NPAS3: variants seen among roughly 807,000 people sequenced by gnomAD.
The protein encoded by NPAS3 is neuronal PAS domain-containing protein 3.
Under a neutral mutation model 73.1 loss-of-function variants are expected in NPAS3, and 14 were observed. The ratio of observed to expected loss-of-function variants is 0.19; its 90% confidence interval spans 0.13 to 0.30. NPAS3 has a LOEUF of 0.30. NPAS3 is among the 10% of genes least tolerant of loss of function. The pLI, the probability that NPAS3 is intolerant of heterozygous loss-of-function variation, is 1.00. For missense variants in NPAS3, 1,096 were observed against 1,250.0 expected (o/e 0.88, Z 1.86); for synonymous variants, 620 against 541.5 (o/e 1.14, Z -2.01).
intron 3 of NPAS3, among the ~76,000 whole-genome samples, chr14:33,264,927 T>A (rs952129144): frequency 6.6e-6 from 1 of 152,146 alleles, no homozygotes; most frequent in Non-Finnish European, 1.5e-5. Flanking sequence ...CTTCCTGAGT[T>A]CCCAGAGTTT....
At chr14:33,412,889 T>C (rs1429522679) in intron 4 of NPAS3, among the ~76,000 whole-genome samples, 1 of 152,216 alleles carries the variant, frequency 6.6e-6, no homozygotes, top group African/African-American at 2.4e-5. Flanking sequence ...GAATCTGTGC[T>C]AGGAACTAGG....
intron 1 of NPAS3, among the ~76,000 whole-genome samples, chr14:32,940,752 G>A (rs556730766): frequency 3.9e-5 from 6 of 152,292 alleles, no homozygotes; most frequent in African/African-American, 1.4e-4. Context: ...ACGATAAGGG[G>A]ATATTCAGAC....
intron 4 of NPAS3, among the ~76,000 whole-genome samples, chr14:33,504,929 A>C (rs1471359004): frequency 6.6e-6 from 1 of 152,036 alleles, no homozygotes; most frequent in Non-Finnish European, 1.5e-5. Flanking sequence ...AGGCAAAAGA[A>C]ATGGGGAGAG....
chr14:33,232,235 T>C (rs937039505), intron 3 of NPAS3, among the ~76,000 whole-genome samples: 2 of 152,186 alleles, frequency 1.3e-5, no homozygotes, highest in African/African-American at 4.8e-5. Flanking sequence ...TCTCTAGACA[T>C]AACCAAGTTG....
intron 5 of NPAS3, among the ~76,000 whole-genome samples, chr14:33,581,406 T>C (rs935786407): frequency 4.6e-5 from 7 of 152,136 alleles, no homozygotes; most frequent in African/African-American, 1.7e-4. Context: ...ACAACAAAAA[T>C]TTGAACACTG....
chr14:33,247,053 G>T (rs1176104285), intron 3 of NPAS3, among the ~76,000 whole-genome samples: 1 of 151,548 alleles, frequency 6.6e-6, no homozygotes, highest in Non-Finnish European at 1.5e-5. Context: ...AAGAAAGAAA[G>T]AAAAAGAGAT....
intron 1 of NPAS3, among the ~76,000 whole-genome samples, chr14:32,993,488 A>G (rs2038423284): frequency 6.6e-6 from 1 of 152,216 alleles, no homozygotes. Flanking sequence ...GGTGGTGAGA[A>G]ATTGAGGAGA....
intron 2 of NPAS3, among the ~76,000 whole-genome samples, chr14:33,090,865 T>C (rs2042201160): frequency 6.6e-6 from 1 of 152,136 alleles, no homozygotes; most frequent in Admixed American, 6.5e-5. Context: ...CTCAACTACA[T>C]GGAAACTGAA....
chr14:33,505,672 C>T (rs1000906408), intron 4 of NPAS3, among the ~76,000 whole-genome samples: 4 of 151,784 alleles, frequency 2.6e-5, no homozygotes, highest in South Asian at 2.1e-4. Flanking sequence ...TATTCAAAAC[C>T]GGAAAAAAAG....
chr14:33,803,641 T>G (rs571026364), downstream of NPAS3: 1 of 152,118 alleles, frequency 6.6e-6, no homozygotes, highest in Admixed American at 6.5e-5. Context: ...TCAAAATGAT[T>G]TCTGGTGATT....
At chr14:33,803,954 C>A (rs1032147649), downstream of NPAS3, 2 of 152,146 alleles carry the variant, frequency 1.3e-5, no homozygotes, top group African/African-American at 2.4e-5. Context: ...TGAAGCTAAC[C>A]GGACCTAACT....
At chr14:33,265,211 A>G (rs2049125510) in intron 3 of NPAS3, among the ~76,000 whole-genome samples, 1 of 152,210 alleles carries the variant, frequency 6.6e-6, no homozygotes, top group South Asian at 2.1e-4. Flanking sequence ...GACAATCCCT[A>G]ACTGGGTACC....
chr14:33,800,425 G>C lies in NPAS3; in HGVS notation c.2118G>C (p.Gly706=). Residue 706 remains glycine, a synonymous_variant, in exon 12 of 12, where the codon GGG becomes GGC. Coordinates refer to ENST00000356141, the Ensembl canonical transcript of NPAS3. This position sits in a 1 kb window ranked among gnomAD's most constrained non-coding sequence, Gnocchi z 6.5. ...GCGGTGGGGGTGGCGGTGGCGGGGG[G>C]CTGCACGTGGCCATTCCCGACTCGG... is the stretch of plus-strand genomic sequence containing the variant. The C allele has an allele frequency of 6.3e-7, 1 of 1,590,326 alleles. No homozygotes were observed. The highest frequency in any genetic ancestry group is 8.5e-7 in the Non-Finnish European group (1 of 1,172,008).
At chr14:33,587,527 T>C (rs1024800136) in intron 5 of NPAS3, among the ~76,000 whole-genome samples, 3 of 152,222 alleles carry the variant, frequency 2.0e-5, no homozygotes, top group African/African-American at 7.2e-5. Flanking sequence ...AGAACTGCTG[T>C]GCTGACTTCT....
At chr14:33,648,823 C>T (rs777636250) in intron 5 of NPAS3, among the ~76,000 whole-genome samples, 22 of 152,314 alleles carry the variant, frequency 1.4e-4, no homozygotes, top group Admixed American at 2.0e-4. Context: ...CCTCCAGAAT[C>T]TCACTTGCCA....
chr14:33,013,513 A>G (rs1187656135), intron 1 of NPAS3, among the ~76,000 whole-genome samples: 1 of 152,184 alleles, frequency 6.6e-6, no homozygotes, highest in African/African-American at 2.4e-5. Context: ...ACAGAAATGT[A>G]AAGACAAAAA....
chr14:33,063,297 A>T (rs1351486107), intron 2 of NPAS3, among the ~76,000 whole-genome samples: 1 of 152,202 alleles, frequency 6.6e-6, no homozygotes, highest in East Asian at 1.9e-4. Context: ...CAATAAACTT[A>T]TGCCTTAGGT....
intron 4 of NPAS3, among the ~76,000 whole-genome samples, chr14:33,473,723 C>T (rs778396951): frequency 7.2e-5 from 11 of 152,242 alleles, no homozygotes; most frequent in Non-Finnish European, 1.5e-4. Context: ...AGGAGTGTCA[C>T]CTGAACTGAA....
rs777765870 is a variant in NPAS3 at position 33,389,474 on chromosome 14, ACCT to A, written c.468+22210_468+22212del. Among the ~76,000 whole-genome samples the A allele has an allele frequency of 2.6e-5, 4 of 152,212 alleles. No individual in the cohort carries two copies. In the East Asian group the frequency reaches 5.8e-4, roughly 22 times the overall value. ...AGAACTCTATTAAATATTATGTTCA[ACCT>A]CCTAAGTGGTAGAACTAGACACTTA... On this transcript the variant is annotated intron_variant, in intron 4 of 11. Transcript: ENST00000356141.
Sources: allele counts gnomAD v4.1 joint callset (sites outside exome capture counted in the v4.1 genomes callset), GRCh38; gene constraint gnomAD v4.1.1; non-coding constraint Gnocchi (gnomAD v3.1); transcripts MANE v1.5; gene names NCBI Gene and HGNC (gene_info 2026-07-23, HGNC 2026-07-21).